The following SLC1A2 variants were observed in gnomAD, a reference collection of about 807,000 sequenced individuals.
SLC1A2 encodes the protein solute carrier family 1 member 2.
SLC1A2 carries 15 observed loss-of-function variants against 48.8 expected under a neutral mutation model. That is an observed-to-expected ratio of 0.31 (90% CI 0.21 to 0.47). The LOEUF (loss-of-function observed/expected upper bound fraction) is 0.47, where lower values mean the gene tolerates loss of function less well. Ranked by LOEUF, SLC1A2 falls within the 20% of genes least tolerant of loss-of-function variation. SLC1A2 has a pLI of 0.99. For missense variants in SLC1A2, 502 were observed against 730.5 expected, an observed-to-expected ratio of 0.69 and a Z score of 3.61; for synonymous variants, 279 against 272.6, an observed-to-expected ratio of 1.02 and a Z score of -0.23.
At chr11:35,388,050 T>C (rs1384914914) in intron 1 of SLC1A2, among the ~76,000 whole-genome samples, 3 of 152,226 alleles carry the variant, frequency 2.0e-5, no homozygotes, top group African/African-American at 7.2e-5. Flanking sequence ...AGCCTCATAG[T>C]CTTGAAGTGG....
intron 1 of SLC1A2, among the ~76,000 whole-genome samples, chr11:35,367,189 C>T (rs893710442): frequency 6.6e-6 from 1 of 152,212 alleles, no homozygotes; most frequent in Non-Finnish European, 1.5e-5. Context: ...TTGTGCAGTG[C>T]CAGGGCATTG....
Position 35,415,635 on chromosome 11 carries a change from T to C in SLC1A2, c.17+3315A>G, listed in dbSNP as rs2135307828. Among the ~76,000 whole-genome samples, 2 of 152,362 alleles carry C rather than the reference T, an allele frequency of 1.3e-5. 1 individual carries two copies. Among genetic ancestry groups the C allele is most frequent in the South Asian group, 4.1e-4 (2 of 4,828 alleles). On this transcript the variant is annotated intron_variant, in intron 1 of 10. Transcript: ENST00000278379. ...GAGGACAATGGTTATGGTTTGCTTT[T>C]ATTTGCTTGAAATAATAAATTCAAG...
chr11:35,286,975 G>A (rs948764007), intron 7 of SLC1A2, 24 bp from the exon 8 acceptor site: 3 of 1,596,968 alleles, frequency 1.9e-6, no homozygotes, highest in Admixed American at 3.3e-5. Flanking sequence ...GAAAGAGAGA[G>A]ACAGGGTTAT....
At chr11:35,318,969 A>C (rs1282346784) in intron 1 of SLC1A2, among the ~76,000 whole-genome samples, 1 of 152,240 alleles carries the variant, frequency 6.6e-6, no homozygotes, top group Non-Finnish European at 1.5e-5. Context: ...CAAATGTTTT[A>C]AAATTAGGAA....
At chr11:35,317,969 G>A (rs1026853436) in intron 1 of SLC1A2, among the ~76,000 whole-genome samples, 13 of 152,144 alleles carry the variant, frequency 8.5e-5, no homozygotes, top group Admixed American at 4.6e-4. Flanking sequence ...ATATCTCCAA[G>A]CTCAAGCCTT....
chr11:35,320,132 C>T (rs55834429), intron 1 of SLC1A2, among the ~76,000 whole-genome samples: 29,715 of 152,104 alleles, frequency 0.2, 3,418 homozygotes, highest in Admixed American at 0.27. Context: ...ATATAATATA[C>T]AGCTGCTTCT....
chr11:35,273,727 A>T (rs3794100), intron 9 of SLC1A2, among the ~76,000 whole-genome samples: 55,681 of 152,072 alleles, frequency 0.37, 10,547 homozygotes, highest in South Asian at 0.53. Flanking sequence ...GACTGAGACT[A>T]TGTTTCATTT....
At chr11:35,324,148 G>A (rs1349176233) in intron 1 of SLC1A2, among the ~76,000 whole-genome samples, 1 of 152,252 alleles carries the variant, frequency 6.6e-6, no homozygotes, top group African/African-American at 2.4e-5. Flanking sequence ...GCCCAAGCCA[G>A]CTAATACAAT....
At position 35,255,164 on chromosome 11, in the gene SLC1A2, A is replaced by G. The variant is rs546016249; in HGVS notation, c.*5730T>C. 5.8e-5 allele frequency: 14 copies of G among 241,152 alleles called. No homozygotes were observed. The South Asian group carries it at 6.8e-4, about 12-fold the overall frequency. The allele number at this position is 241,152 out of a possible 1,614,324, so 14.9% of individuals were successfully genotyped here. On this transcript the variant is annotated 3_prime_UTR_variant, in exon 11 of 11. Transcript: ENST00000278379. The stretch of plus-strand genomic sequence containing the variant: ...CAACAAAGGAGTTCACAACACAACA[A>G]ATACCAACACTACTCTATTTAGCAG...
Position 35,257,720 on chromosome 11 carries a change from G to C in SLC1A2, c.*3174C>G, listed in dbSNP as rs930932807. ...TTTCTCAAAGGGCAAGAATGAGAAA[G>C]AGAAGAATTAAAGTCTACTTAGTTG... is the stretch of plus-strand genomic sequence containing the variant. On this transcript the variant is annotated 3_prime_UTR_variant, in exon 11 of 11. Coordinates refer to ENST00000278379, the MANE Select transcript of SLC1A2 (RefSeq NM_004171.4). The C allele has an allele frequency of 1.3e-5, 2 of 152,202 alleles. No homozygotes were observed. The highest frequency in any genetic ancestry group is 4.8e-5 in the African/African-American group (2 of 41,454). 9.4% of individuals were successfully genotyped at this position (152,202 alleles called of 1,614,324 possible). A position where few individuals can be genotyped will look rare whatever the true frequency, so the allele number is the denominator to read the frequency against.
At chr11:35,375,422 A>G (rs1854191150) in intron 1 of SLC1A2, among the ~76,000 whole-genome samples, 2 of 152,188 alleles carry the variant, frequency 1.3e-5, no homozygotes, top group African/African-American at 2.4e-5. Flanking sequence ...AACCCCCAGA[A>G]CAAAGTGGTC....
intron 1 of SLC1A2, chr11:35,392,472 G>A (rs1468052458): frequency 6.6e-6 from 1 of 152,268 alleles, no homozygotes. Context: ...CTGACATTTG[G>A]GGGAAGGGGA....
At chr11:35,365,709 A>G (rs534456804) in intron 1 of SLC1A2, among the ~76,000 whole-genome samples, 1 of 152,314 alleles carries the variant, frequency 6.6e-6, no homozygotes, top group Non-Finnish European at 1.5e-5. Flanking sequence ...GTTGTTACCC[A>G]GGGTGGACTG....
intron 1 of SLC1A2, among the ~76,000 whole-genome samples, chr11:35,388,371 G>A (rs746520417): frequency 1.3e-5 from 2 of 152,026 alleles, no homozygotes; most frequent in African/African-American, 2.4e-5. Flanking sequence ...TATAGCATTC[G>A]AAATAATCTC....
chr11:35,301,444 G>A (rs937824137), intron 6 of SLC1A2, 75 bp downstream of exon 6: 1 of 1,424,224 alleles, frequency 7.0e-7, no homozygotes, highest in African/African-American at 1.4e-5. Flanking sequence ...TTCCTGCAGG[G>A]AGAGCTCCAG....
Position 35,276,871 on chromosome 11 carries a change from G to A in SLC1A2, c.1421+3996C>T, listed in dbSNP as rs147400298. ...TGCAGAATCAGGTGTGTCTTAGTCT[G>A]TGCTGCTATAGCAAAATACTTGAGA... On this transcript the variant is annotated intron_variant, in intron 9 of 10. Transcript: ENST00000278379. Among the ~76,000 whole-genome samples the A allele has an allele frequency of 4.7e-4, 71 of 152,310 alleles. 1 individual carries two copies. Among genetic ancestry groups the A allele is most frequent in the Non-Finnish European group, 7.5e-4 (51 of 68,036 alleles).
chr11:35,346,029 C>A (rs534929500), intron 1 of SLC1A2, among the ~76,000 whole-genome samples: 92 of 152,198 alleles, frequency 6.0e-4, no homozygotes, highest in African/African-American at 2.0e-3. Flanking sequence ...AGCATAAGAG[C>A]TGCAACAATT....
chr11:35,309,465 C>A (rs894800289), intron 4 of SLC1A2, among the ~76,000 whole-genome samples: 1 of 152,212 alleles, frequency 6.6e-6, no homozygotes, highest in African/African-American at 2.4e-5. Flanking sequence ...CAGCCAGTTA[C>A]TGTCTTGGAA....
intron 5 of SLC1A2, among the ~76,000 whole-genome samples, chr11:35,302,464 C>T (rs76409461): frequency 6.6e-6 from 1 of 152,250 alleles, no homozygotes; most frequent in Non-Finnish European, 1.5e-5. Flanking sequence ...GTATCTAAGT[C>T]CAGCCTCACA....
Sources: allele counts gnomAD v4.1 joint callset (sites outside exome capture counted in the v4.1 genomes callset), GRCh38; gene constraint gnomAD v4.1.1; transcripts MANE v1.5; gene names NCBI Gene and HGNC (gene_info 2026-07-23, HGNC 2026-07-21).